XPR1: variants seen among roughly 807,000 people sequenced by gnomAD.
XPR1 encodes solute carrier family 53 member 1.
XPR1 carries 28 observed loss-of-function variants against 87.5 expected under a neutral mutation model. That is an observed-to-expected ratio of 0.32 (90% CI 0.24 to 0.44). XPR1 has a LOEUF of 0.44. Among genes scored for constraint, XPR1 ranks in the 20% least tolerant of loss-of-function variants. The pLI is 1.00. For synonymous variants in XPR1, 300 were observed against 306.1 expected (o/e 0.98, Z 0.21); for missense variants, 559 against 862.3 (o/e 0.65, Z 4.41).
At chr1:180,693,530 C>T (rs1201979623) in intron 2 of XPR1, among the ~76,000 whole-genome samples, 1 of 152,214 alleles carries the variant, frequency 6.6e-6, no homozygotes, top group Non-Finnish European at 1.5e-5. Context: ...CCTTCGGTTG[C>T]TGTAAAAACC....
intron 11 of XPR1, among the ~76,000 whole-genome samples, chr1:180,844,086 C>A (rs1651603470): frequency 2.0e-5 from 3 of 152,150 alleles, no homozygotes; most frequent in Admixed American, 2.0e-4. Context: ...TGGCAGGCGC[C>A]TGTAATCCCA....
chr1:180,779,924 A>C (rs190594490), intron 2 of XPR1, among the ~76,000 whole-genome samples: 1 of 152,272 alleles, frequency 6.6e-6, no homozygotes, highest in African/African-American at 2.4e-5. Flanking sequence ...GATTCGTACA[A>C]CATGTGATCT....
intron 6 of XPR1, among the ~76,000 whole-genome samples, chr1:180,808,606 G>A (rs1469977333): frequency 6.6e-6 from 1 of 152,074 alleles, no homozygotes; most frequent in East Asian, 1.9e-4. Flanking sequence ...TCAATAGAAG[G>A]AAAACAATCA....
At chr1:180,696,208 G>GTATGTATATATATATA (rs1657169343) in intron 2 of XPR1, among the ~76,000 whole-genome samples, 1 of 88,566 alleles carries the variant, frequency 1.1e-5, no homozygotes, top group African/African-American at 3.7e-5. Context: ...GTGTGTGTGT[G>GTATGTATATATATATA]TATATATATA....
At chr1:180,800,971 A>G (rs1361129208) in intron 3 of XPR1, among the ~76,000 whole-genome samples, 2 of 152,184 alleles carry the variant, frequency 1.3e-5, no homozygotes, top group African/African-American at 2.4e-5. Context: ...TTTTTCTGTT[A>G]CATCAATTAA....
intron 2 of XPR1, among the ~76,000 whole-genome samples, chr1:180,719,543 GA>G (rs1225925935): frequency 1.3e-5 from 2 of 152,182 alleles, no homozygotes; most frequent in Non-Finnish European, 2.9e-5. Flanking sequence ...GCAATTTAAA[GA>G]TGCTATTCTG....
intron 14 of XPR1, 113 bp from the exon 15 acceptor site, chr1:180,883,893 C>CTG (rs997718819): frequency 2.3e-6 from 2 of 862,632 alleles, no homozygotes; most frequent in African/African-American, 3.4e-5. Context: ...CAGATAGTCC[C>CTG]TGTTTAGGAT....
At chr1:180,842,546 A>G (rs1012008967) in intron 11 of XPR1, among the ~76,000 whole-genome samples, 5 of 152,230 alleles carry the variant, frequency 3.3e-5, no homozygotes, top group African/African-American at 1.2e-4. Context: ...GCCAGTCTCC[A>G]TATTTTAAGA....
At chr1:180,656,438 T>TTTATA in intron 1 of XPR1, among the ~76,000 whole-genome samples, 3 of 45,328 alleles carry the variant, frequency 6.6e-5, no homozygotes, top group African/African-American at 2.7e-4. Context: ...TATATATTTA[T>TTTATA]ATATAAATAT....
At chr1:180,666,352 G>C (rs1353568090) in intron 1 of XPR1, among the ~76,000 whole-genome samples, 2 of 152,154 alleles carry the variant, frequency 1.3e-5, no homozygotes, top group African/African-American at 4.8e-5. Context: ...ATAGGTACTG[G>C]ACTGAATTGT....
At chr1:180,666,973 T>G (rs1655983537) in intron 1 of XPR1, among the ~76,000 whole-genome samples, 1 of 152,034 alleles carries the variant, frequency 6.6e-6, no homozygotes, top group African/African-American at 2.4e-5. Flanking sequence ...TGGAGTGCAG[T>G]GGCGCAATCT....
chr1:180,695,969 A>C (rs571068162), intron 2 of XPR1, among the ~76,000 whole-genome samples: 4 of 151,942 alleles, frequency 2.6e-5, no homozygotes, highest in Admixed American at 1.3e-4. Flanking sequence ...TCTGTGAAGA[A>C]TATCATTGCA....
At chr1:180,695,385 C>T (rs1477011961) in intron 2 of XPR1, among the ~76,000 whole-genome samples, 2 of 149,108 alleles carry the variant, frequency 1.3e-5, no homozygotes, top group Non-Finnish European at 3.0e-5. Flanking sequence ...GTGCAGAAGC[C>T]TTTTAGTTTA....
chr1:180,840,150 G>A (rs1651452601), intron 11 of XPR1, among the ~76,000 whole-genome samples: 2 of 150,446 alleles, frequency 1.3e-5, no homozygotes, highest in Non-Finnish European at 3.0e-5. Context: ...GTGAACCCGG[G>A]AAGCGGAGCT....
At chr1:180,815,677 G>C (rs1050120913) in intron 7 of XPR1, among the ~76,000 whole-genome samples, 1 of 151,492 alleles carries the variant, frequency 6.6e-6, no homozygotes, top group African/African-American at 2.4e-5. Context: ...TTTCAAACTT[G>C]TTTCTTTTGC....
intron 1 of XPR1, among the ~76,000 whole-genome samples, chr1:180,661,695 C>T (rs541449132): frequency 1.3e-5 from 2 of 152,136 alleles, no homozygotes; most frequent in Admixed American, 6.5e-5. Context: ...CATGGTGAAA[C>T]CCAGTCTGTA....
At chr1:180,682,457 T>TTTTTTTTTTTTTTTTGAG (rs1656609883) in intron 2 of XPR1, 46 bp downstream of exon 2, 1 of 1,523,362 alleles carries the variant, frequency 6.6e-7, no homozygotes, top group African/African-American at 1.4e-5. Flanking sequence ...AACCTCTTTT[T>TTTTTTTTTTTTTTTTGAG]AAGGAAAGAT....
At chr1:180,686,774 A>G (rs549081016) in intron 2 of XPR1, among the ~76,000 whole-genome samples, 33 of 152,322 alleles carry the variant, frequency 2.2e-4, no homozygotes, top group African/African-American at 7.5e-4. Flanking sequence ...TCTTATGACA[A>G]AAGTTAATGA....
intron 2 of XPR1, 38 bp downstream of exon 2, chr1:180,682,449 C>G (rs1557954653): frequency 6.4e-7 from 1 of 1,561,616 alleles, no homozygotes; most frequent in Admixed American, 1.8e-5. Flanking sequence ...TCACAGAAAA[C>G]CTCTTTTTAA....
Sources: gnomAD v4.1 joint callset for allele counts (sites outside exome capture counted in the v4.1 genomes callset) on GRCh38, gnomAD v4.1.1 for gene constraint, MANE v1.5 for transcripts, NCBI Gene and HGNC (gene_info 2026-07-23, HGNC 2026-07-21) for gene names.